The following TCF4 variants were observed in gnomAD, a reference collection of about 807,000 sequenced individuals.
TCF4 encodes the protein SL3-3 enhancer factor 2.
A neutral mutation model predicts 82.1 loss-of-function variants in TCF4; 3 were observed. The observed-to-expected ratio is 0.04, with a 90% CI of 0.02 to 0.09. The LOEUF is 0.09. TCF4 is among the 10% of genes least tolerant of loss of function. TCF4 has a pLI of 1.00. For synonymous variants in TCF4, 276 were observed against 309.6 expected (o/e 0.89, Z 1.14); for missense variants, 518 against 852.7 (o/e 0.61, Z 4.89).
intron 3 of TCF4, among the ~76,000 whole-genome samples, chr18:55,566,315 G>C (rs554163515): frequency 3.5e-4 from 54 of 152,230 alleles, no homozygotes; most frequent in Non-Finnish European, 6.0e-4. Context: ...GAAAGGTAGA[G>C]GGGCAGGAGG....
At chr18:55,464,052 G>A in intron 4 of TCF4, 24 bp downstream of exon 4, 2 of 1,609,692 alleles carry the variant, frequency 1.2e-6, no homozygotes, top group South Asian at 1.1e-5. Context: ...TCTGGTTGTG[G>A]GAGAAAAGAT....
Position 55,419,080 on chromosome 18 carries a change from G to A in TCF4, c.305-15562C>T, listed in dbSNP as rs886600670. Among the ~76,000 whole-genome samples the A allele has an allele frequency of 1.6e-4, 25 of 152,068 alleles. 2 individuals carry two copies. The highest frequency in any genetic ancestry group is 1.2e-3 in the Admixed American group (19 of 15,264). The stretch of plus-strand genomic sequence containing the variant: ...TGGTAAAATAACACCTGATCCGAGG[G>A]GCTTTTAAGTACAGTAATTGTCAAT... On this transcript the variant is annotated intron_variant, in intron 5 of 19. Coordinates refer to ENST00000354452, the MANE Select transcript of TCF4 (RefSeq NM_001083962.2).
intron 5 of TCF4, among the ~76,000 whole-genome samples, chr18:55,458,857 C>T (rs2095818498): frequency 6.6e-6 from 1 of 151,996 alleles, no homozygotes; most frequent in African/African-American, 2.4e-5. Flanking sequence ...TTGCATACCG[C>T]GCAATACCCT....
At chr18:55,625,701 T>C (rs1362443054) in intron 2 of TCF4, among the ~76,000 whole-genome samples, 9 of 152,254 alleles carry the variant, frequency 5.9e-5, no homozygotes, top group Admixed American at 5.9e-4. Context: ...TTTTTGTTGA[T>C]GATATGAAGT....
intron 2 of TCF4, among the ~76,000 whole-genome samples, chr18:55,622,495 C>G (rs2097722358): frequency 1.5e-5 from 2 of 133,064 alleles, no homozygotes; most frequent in African/African-American, 5.8e-5. Context: ...CAGAGCGAGA[C>G]TCAATCTTAA....
At chr18:55,485,547 G>T (rs1035077308) in intron 3 of TCF4, among the ~76,000 whole-genome samples, 3 of 152,154 alleles carry the variant, frequency 2.0e-5, no homozygotes, top group Non-Finnish European at 4.4e-5. Flanking sequence ...ATCTGTGCAT[G>T]CATCTTTGCT....
chr18:55,475,931 T>G (rs2096279271), intron 3 of TCF4, among the ~76,000 whole-genome samples: 1 of 152,144 alleles, frequency 6.6e-6, no homozygotes, highest in Non-Finnish European at 1.5e-5. Context: ...TTGGCCAAGA[T>G]GAAGACAAGA....
chr18:55,438,336 T>C (rs1603464943), intron 5 of TCF4, among the ~76,000 whole-genome samples: 1 of 152,074 alleles, frequency 6.6e-6, no homozygotes, highest in Non-Finnish European at 1.5e-5. Flanking sequence ...GCTATGATTA[T>C]AGTTGTCTCG....
At chr18:55,434,439 A>G (rs140134419) in intron 5 of TCF4, among the ~76,000 whole-genome samples, 9,461 of 42,614 alleles carry the variant, frequency 0.22, 601 homozygotes, top group East Asian at 0.56. Context: ...TTTTTTTTTG[A>G]GATGGAGTCT....
chr18:55,232,549 C>T lies in TCF4; in HGVS notation c.1609G>A (p.Asp537Asn), dbSNP rs2048187425. 1.2e-6 allele frequency: 2 copies of T among 1,614,152 alleles called. No homozygotes were observed. Among genetic ancestry groups the T allele is most frequent in the Non-Finnish European group, 1.7e-6 (2 of 1,180,006 alleles). The change falls in exon 17 of 20, where the codon GAC becomes AAC. Residue 537 changes from aspartate (D) to asparagine (N), a missense_variant. Physicochemically the swap from Asp to Asn is conservative, Grantham distance 23. This residue lies in a region of TCF4 where 144 missense variants were observed against 190.2 expected (regional missense o/e 0.76). Transcript: ENST00000354452. ...GTAATTGATTTGATATCCTTCTTGT[C>T]GTCATCTAATTTCTTGTCCTCCGAA... ...KSSEDKKLDD[D>N]KKDIKSITRS...
chr18:55,502,995 T>A (rs1006085202), intron 3 of TCF4, among the ~76,000 whole-genome samples: 14 of 152,240 alleles, frequency 9.2e-5, no homozygotes, highest in African/African-American at 3.4e-4. Flanking sequence ...TGACACTTGG[T>A]ATGTGCCACC....
intron 6 of TCF4, among the ~76,000 whole-genome samples, chr18:55,355,984 T>C (rs745840305): frequency 6.6e-6 from 1 of 152,048 alleles, no homozygotes; most frequent in Non-Finnish European, 1.5e-5. Flanking sequence ...ATACAGACAA[T>C]GTATTTGGGG....
chr18:55,486,213 G>A (rs534694422), intron 3 of TCF4, among the ~76,000 whole-genome samples: 1 of 152,136 alleles, frequency 6.6e-6, no homozygotes, highest in South Asian at 2.1e-4. Flanking sequence ...GCTACAAATG[G>A]TAAATAAACA....
At chr18:55,260,164 C>A in intron 12 of TCF4, 137 bp from the exon 13 acceptor site, 1 of 690,058 alleles carries the variant, frequency 1.4e-6, no homozygotes. Flanking sequence ...ACTACAGTAC[C>A]AAAATTGTCA....
intron 8 of TCF4, among the ~76,000 whole-genome samples, chr18:55,287,287 T>A (rs117336804): frequency 0.017 from 2,631 of 152,272 alleles, 44 homozygotes; most frequent in Middle Eastern, 0.048. Context: ...CCACTTCAAG[T>A]ATACATCCAT....
At chr18:55,387,018 T>C (rs559549251) in intron 6 of TCF4, among the ~76,000 whole-genome samples, 26 of 152,334 alleles carry the variant, frequency 1.7e-4, no homozygotes, top group Non-Finnish European at 3.1e-4. Flanking sequence ...GAGAGAATCA[T>C]TTCTAGAGAG....
chr18:55,303,240 C>CACACACACACACACACACACACCCCT (rs2068940858), intron 8 of TCF4, among the ~76,000 whole-genome samples: 1 of 150,130 alleles, frequency 6.7e-6, no homozygotes, highest in Non-Finnish European at 1.5e-5. Flanking sequence ...CACACACACA[C>CACACACACACACACACACACACCCCT]ACACACACAC....
intron 6 of TCF4, among the ~76,000 whole-genome samples, chr18:55,386,589 C>CA (rs1287756172): frequency 1.3e-5 from 2 of 152,024 alleles, no homozygotes; most frequent in Middle Eastern, 3.4e-3. Flanking sequence ...ATGCTTACCA[C>CA]AAAAAATAAA....
chr18:55,500,418 C>A (rs979615273), intron 3 of TCF4, among the ~76,000 whole-genome samples: 9 of 152,174 alleles, frequency 5.9e-5, no homozygotes, highest in African/African-American at 1.7e-4. Flanking sequence ...TAAGCACCCA[C>A]AAGTCTGCTT....
Sources: gnomAD v4.1 joint callset for allele counts (sites outside exome capture counted in the v4.1 genomes callset) on GRCh38, gnomAD v4.1.1 for gene constraint, gnomAD v4.1.1 regional missense constraint, MANE v1.5 for transcripts, NCBI Gene and HGNC (gene_info 2026-07-23, HGNC 2026-07-21) for gene names.